NUDCD1: variants seen among roughly 807,000 people sequenced by gnomAD.
NUDCD1 encodes nudC domain-containing protein 1.
A neutral mutation model predicts 67.8 loss-of-function variants in NUDCD1; 60 were observed. The observed-to-expected ratio is 0.88, with a 90% CI of 0.72 to 1.10. NUDCD1 has a LOEUF of 1.10. NUDCD1 is among the 50% of genes least tolerant of loss of function. The probability of loss-of-function intolerance (pLI) is 0.00; values close to 1 mark genes in which losing one functional copy is unlikely to be tolerated. For synonymous variants in NUDCD1, 244 were observed against 230.8 expected (o/e 1.06, Z -0.52); for missense variants, 643 against 695.0 (o/e 0.93, Z 0.84).
Position 109,292,357 on chromosome 8 carries a change from T to C in NUDCD1, c.640+987A>G, listed in dbSNP as rs192855333. Among the ~76,000 whole-genome samples, 407 of 152,220 alleles carry C rather than the reference T, an allele frequency of 2.7e-3. 2 individuals carry two copies. Among genetic ancestry groups the C allele is most frequent in the Non-Finnish European group, 4.8e-3 (326 of 67,998 alleles). ...CACCAAAAAGAACTAATAAATTATA[T>C]TGAATACTTCAAAGAACAAATCTAG... On this transcript the variant is annotated intron_variant, in intron 4 of 9. Transcript: ENST00000239690.
chr8:109,280,998 C>T lies in NUDCD1; in HGVS notation c.998G>A (p.Ser333Asn), dbSNP rs1360629143. The T allele has an allele frequency of 1.2e-6, 2 of 1,602,456 alleles. No individual in the cohort carries two copies. Among genetic ancestry groups the T allele is most frequent in the East Asian group, 2.2e-5 (1 of 44,690 alleles). ...ACTCTCTTTAATTATCCATGTACTGCTTTCATGATCAATAGATGAATAGAG... is the reference window on the plus strand; with the variant it reads ...ACTCTCTTTAATTATCCATGTACTGTTTTCATGATCAATAGATGAATAGAG... ...GKLYSSIDHESSTWIIKESNS... is the reference protein window; with the variant it reads ...GKLYSSIDHENSTWIIKESNS... The change falls in exon 6 of 10, where the codon AGC becomes AAC. Residue 333 changes from serine to asparagine, a missense_variant. Ser to Asn is a conservative substitution (Grantham distance 46, BLOSUM62 1). Coordinates refer to ENST00000239690, the MANE Select transcript of NUDCD1 (RefSeq NM_032869.4).
chr8:109,248,588 C>T (rs1006195588), intron 8 of NUDCD1, among the ~76,000 whole-genome samples: 15 of 152,086 alleles, frequency 9.9e-5, no homozygotes, highest in African/African-American at 3.6e-4. Flanking sequence ...AGGTTCTTAA[C>T]CTAACAAGAG....
Position 109,258,911 on chromosome 8 carries a change from A to G in NUDCD1, c.1299+12094T>C, listed in dbSNP as rs1411270600. Among the ~76,000 whole-genome samples the G allele has an allele frequency of 1.1e-4, 16 of 152,216 alleles. No homozygotes were observed. The East Asian group carries it at 3.1e-3, about 29-fold the overall frequency. ...CATAGGTAATAATAATTGGCAACCA[A>G]TAATTAACAACATTATTCAATATAC... On this transcript the variant is annotated intron_variant, in intron 8 of 9. Coordinates refer to ENST00000239690, the MANE Select transcript of NUDCD1 (RefSeq NM_032869.4).
chr8:109,250,894 T>G (rs1363930850), intron 8 of NUDCD1, among the ~76,000 whole-genome samples: 1 of 152,192 alleles, frequency 6.6e-6, no homozygotes. Flanking sequence ...AGAATTTTTG[T>G]GTCTGTATTC....
intron 8 of NUDCD1, among the ~76,000 whole-genome samples, chr8:109,248,385 T>C (rs1273944258): frequency 2.0e-5 from 3 of 152,240 alleles, no homozygotes; most frequent in South Asian, 2.1e-4. Flanking sequence ...ACAACACTAA[T>C]TCTTCTTAGG....
At chr8:109,244,888 A>C (rs1180696797) in intron 9 of NUDCD1, among the ~76,000 whole-genome samples, 2 of 152,164 alleles carry the variant, frequency 1.3e-5, no homozygotes, top group Non-Finnish European at 2.9e-5. Context: ...TTTTGTACTT[A>C]ATTTTGACAA....
intron 2 of NUDCD1, among the ~76,000 whole-genome samples, chr8:109,297,527 T>C (rs1169831832): frequency 6.6e-6 from 1 of 151,696 alleles, no homozygotes; most frequent in Non-Finnish European, 1.5e-5. Context: ...TGTCTCTTTT[T>C]CCCCCTCCGC....
chr8:109,270,048 A>C (rs1211219076), intron 8 of NUDCD1, among the ~76,000 whole-genome samples: 2 of 61,626 alleles, frequency 3.2e-5, no homozygotes, highest in Non-Finnish European at 5.6e-5. Context: ...AAAAGAGTGT[A>C]ATTTTGAGGT....
intron 8 of NUDCD1, among the ~76,000 whole-genome samples, chr8:109,250,660 A>C (rs898406035): frequency 1.5e-4 from 23 of 152,130 alleles, no homozygotes; most frequent in African/African-American, 5.6e-4. Context: ...TAGTTTGCTC[A>C]GCATTTTTAT....
chr8:109,295,211 G>C (rs1814813926), intron 3 of NUDCD1, among the ~76,000 whole-genome samples: 1 of 152,134 alleles, frequency 6.6e-6, no homozygotes, highest in South Asian at 2.1e-4. Flanking sequence ...AGATGAAAGT[G>C]AGCCAAGTAG....
chr8:109,242,797 T>C lies in NUDCD1; in HGVS notation c.*212A>G, dbSNP rs1813396780. On this transcript the variant is annotated 3_prime_UTR_variant, in exon 10 of 10. Transcript: ENST00000239690. Reference sequence around the variant, plus strand: ...GTACTATCTTCACTCTTTTTTTTTTTCAGAAGCCAATGTTCTCTAAATCTG... The same window carrying C: ...GTACTATCTTCACTCTTTTTTTTTTCCAGAAGCCAATGTTCTCTAAATCTG... 9 of 324,722 alleles carry C rather than the reference T, an allele frequency of 2.8e-5. 1 individual carries two copies. The highest frequency in any genetic ancestry group is 3.9e-5 in the Non-Finnish European group (7 of 178,024). The allele number at this position is 324,722 out of a possible 1,614,324, so 20.1% of individuals were successfully genotyped here.
chr8:109,243,053 T>A lies in NUDCD1; in HGVS notation c.1708A>T (p.Thr570Ser). Residue 570 changes from threonine to serine, a missense_variant, in exon 10 of 10, where the codon ACT becomes TCT. Thr to Ser is a moderately conservative substitution (Grantham distance 58). Transcript: ENST00000239690. ...QATNERLFVL[T>S]TKNLFLIKVN... ...TTTATTAAAAAGAGGTTTTTGGTAG[T>A]AAGAACAAATAATCTCTCATTTGTT... 1.9e-6 allele frequency: 3 copies of A among 1,604,712 alleles called. No individual in the cohort carries two copies. Among genetic ancestry groups the A allele is most frequent in the Non-Finnish European group, 2.6e-6 (3 of 1,171,586 alleles).
chr8:109,280,459 T>A (rs1814406757), intron 6 of NUDCD1, among the ~76,000 whole-genome samples: 2 of 152,170 alleles, frequency 1.3e-5, no homozygotes, highest in Non-Finnish European at 1.5e-5. Flanking sequence ...CAAAAGTAGT[T>A]TTCCTTAAAG....
At chr8:109,312,346 T>C (rs1305003284) in intron 2 of NUDCD1, among the ~76,000 whole-genome samples, 1 of 137,694 alleles carries the variant, frequency 7.3e-6, no homozygotes, top group East Asian at 2.1e-4. Flanking sequence ...TATAAAATAA[T>C]GGATTAATAG....
At chr8:109,258,826 T>A (rs974537636) in intron 8 of NUDCD1, among the ~76,000 whole-genome samples, 1 of 152,142 alleles carries the variant, frequency 6.6e-6, no homozygotes, top group Admixed American at 6.5e-5. Context: ...TAAAAGTATA[T>A]CTTTTCAGAG....
chr8:109,314,298 T>C lies in NUDCD1; in HGVS notation c.273+8011A>G, dbSNP rs893072306. ...TGACTGCAGAAGGATTAAAATTTCA[T>C]TGATGAACGGAATACTTACTGAATC... On this transcript the variant is annotated intron_variant, in intron 2 of 9. Transcript: ENST00000239690. Among the ~76,000 whole-genome samples the C allele has an allele frequency of 3.9e-5, 6 of 152,292 alleles. No individual in the cohort carries two copies. The South Asian group carries it at 6.2e-4, about 16-fold the overall frequency.
At chr8:109,312,565 AC>A (rs1389830180) in intron 2 of NUDCD1, among the ~76,000 whole-genome samples, 4 of 152,170 alleles carry the variant, frequency 2.6e-5, no homozygotes, top group African/African-American at 9.6e-5. Context: ...CAATAAGAAT[AC>A]CTGCATATGT....
chr8:109,334,080 CAG>C lies in NUDCD1; in HGVS notation c.-72_-71del, dbSNP rs555142165. The C allele has an allele frequency of 2.5e-6, 4 of 1,601,854 alleles. No individual in the cohort carries two copies. The Admixed American group carries it at 5.1e-5, about 21-fold the overall frequency. On this transcript the variant is annotated 5_prime_UTR_variant, in exon 1 of 10. Coordinates refer to ENST00000239690, the MANE Select transcript of NUDCD1 (RefSeq NM_032869.4). The stretch of plus-strand genomic sequence containing the variant: ...AAAGGTCCGCGCTTCACGCCTCGCA[CAG>C]AGACTGGGAAGCGGCGTGGTTCCCA...
chr8:109,279,811 T>C (rs563586981), intron 6 of NUDCD1, among the ~76,000 whole-genome samples: 2 of 152,264 alleles, frequency 1.3e-5, no homozygotes, highest in East Asian at 3.9e-4. Context: ...TTTGTGTTTT[T>C]AGTTGAGACG....
Sources: allele counts gnomAD v4.1 joint callset (sites outside exome capture counted in the v4.1 genomes callset), GRCh38; gene constraint gnomAD v4.1.1; transcripts MANE v1.5; gene names NCBI Gene and HGNC (gene_info 2026-07-23, HGNC 2026-07-21).